The following CFD variants were observed in gnomAD, a reference collection of about 807,000 sequenced individuals.
CFD encodes complement factor D, also known as C3 convertase activator.
In CFD, 24 loss-of-function variants were observed where a neutral mutation model predicts 21.1. That is an observed-to-expected ratio of 1.14 (90% CI 0.82 to 1.60). The LOEUF (loss-of-function observed/expected upper bound fraction) is 1.60, where lower values mean the gene tolerates loss of function less well. Ranked by LOEUF, CFD falls within the 40% of genes most tolerant of loss-of-function variation. The pLI is 0.00. For missense variants in CFD, 535 were observed against 383.3 expected (o/e 1.40, Z -3.31); for synonymous variants, 242 against 175.9 (o/e 1.38, Z -2.97).
chr19:859,992 C>G (rs2035761794), intron 1 of CFD, among the ~76,000 whole-genome samples: 1 of 152,160 alleles, frequency 6.6e-6, no homozygotes, highest in Non-Finnish European at 1.5e-5. Flanking sequence ...GCGTGGCTGA[C>G]TGGGCTGGCC....
rs2145167455 is a variant in CFD at position 863,175 on chromosome 19, G to A, written c.699G>A (p.Lys233=). The A allele has an allele frequency of 2.0e-6, 3 of 1,517,268 alleles. No homozygotes were observed. The highest frequency in any genetic ancestry group is 2.6e-6 in the Non-Finnish European group (3 of 1,138,064). The allele number at this position is 1,517,268 out of a possible 1,614,324, so 94.0% of individuals were successfully genotyped here. A position where few individuals can be genotyped will look rare whatever the true frequency, so the allele number is the denominator to read the frequency against. ...TSGSRVCGNR[K]KPGIYTRVAS... ...GCTCGCGCGTTTGCGGCAACCGCAA[G>A]AAGCCCGGGATCTACACCCGCGTGG... The change falls in exon 5 of 5, where the codon AAG becomes AAA. Residue 233 remains lysine, a synonymous_variant. Transcript: ENST00000327726.
At chr19:862,931 C>T (rs2035826711) in intron 4 of CFD, among the ~76,000 whole-genome samples, 161 bp from the exon 5 acceptor site, 2 of 151,630 alleles carry the variant, frequency 1.3e-5, no homozygotes, top group African/African-American at 2.4e-5. Context: ...GTGGCCTAGG[C>T]GATAGGCGTG....
At chr19:859,821 C>T (rs2035760239) in intron 1 of CFD, 77 bp downstream of exon 1, 1 of 1,118,922 alleles carries the variant, frequency 8.9e-7, no homozygotes, top group Non-Finnish European at 1.3e-6. Flanking sequence ...ACGGACGGTC[C>T]TCCAGCCCCT....
intron 1 of CFD, among the ~76,000 whole-genome samples, chr19:860,365 A>T (rs1464443228): frequency 2.6e-5 from 4 of 151,122 alleles, no homozygotes; most frequent in African/African-American, 7.3e-5. Context: ...ATTTTTTTTT[A>T]AAGTAGAGAC....
intron 1 of CFD, among the ~76,000 whole-genome samples, chr19:860,356 T>C (rs1014033417): frequency 6.6e-6 from 1 of 150,938 alleles, no homozygotes; most frequent in African/African-American, 2.4e-5. Flanking sequence ...AAATTTTGTA[T>C]TTTTTTTTAA....
At chr19:862,228 G>A (rs1391383471) in intron 4 of CFD, among the ~76,000 whole-genome samples, 1 of 136,598 alleles carries the variant, frequency 7.3e-6, no homozygotes, top group Admixed American at 7.2e-5. Context: ...AGAAGGGTCA[G>A]GGCGGGCAGA....
In CFD at chr19:859,723, C is replaced by CAGG. The variant is rs1189158291; in HGVS notation, c.34_35insAGG (p.Leu12delinsGlnVal). The CAGG allele has an allele frequency of 1.9e-6, 3 of 1,574,096 alleles. No homozygotes were observed. Among genetic ancestry groups the CAGG allele is most frequent in the Non-Finnish European group, 2.6e-6 (3 of 1,160,124 alleles). On this transcript the variant is annotated protein_altering_variant, in exon 1 of 5. Coordinates refer to ENST00000327726, the MANE Select transcript of CFD (RefSeq NM_001928.4). ...CTGGGAGCGCCTGGCAGTTCTGGTC[C>CAGG]TCCTAGGAGCGGCCGCCTGCGGTGA...
intron 3 of CFD, 31 bp from the exon 4 acceptor site, chr19:861,668 C>A (rs776100553): frequency 6.3e-7 from 1 of 1,579,974 alleles, no homozygotes; most frequent in South Asian, 1.1e-5. Context: ...CACCCCCGCA[C>A]CCCAACCCTG....
rs2035838472 is a variant in CFD at position 863,315 on chromosome 19, T to C, written c.*77T>C. The stretch of plus-strand genomic sequence containing the variant: ...TGAAGTCATCCACTCCTGCATCTGG[T>C]TGGTCTTTATTGAGCACCTACTATA... On this transcript the variant is annotated 3_prime_UTR_variant, in exon 5 of 5. Transcript: ENST00000327726. 6.7e-7 allele frequency: 1 copy of C among 1,501,518 alleles called. No homozygotes were observed. Among genetic ancestry groups the C allele is most frequent in the Non-Finnish European group, 9.0e-7 (1 of 1,115,576 alleles). The allele number at this position is 1,501,518 out of a possible 1,614,324, so 93.0% of individuals were successfully genotyped here. A position where few individuals can be genotyped will look rare whatever the true frequency, so the allele number is the denominator to read the frequency against.
rs1405437257 is a variant in CFD, at chr19:861,959, G to C, written c.615+3G>C. 1.9e-6 allele frequency: 3 copies of C among 1,542,152 alleles called. No homozygotes were observed. The African/African-American group carries it at 4.1e-5, about 21-fold the overall frequency. ...GCAATCGCCGGGACAGCTGCAAGGT[G>C]AGCCTTCAGGCCTGGGAGGAGACGC... On this transcript the variant is annotated splice_donor_region_variant and intron_variant, in intron 4 of 4. Coordinates refer to ENST00000327726, the MANE Select transcript of CFD (RefSeq NM_001928.4).
rs988200001 is a variant in CFD at position 863,123 on chromosome 19, G to C, written c.647G>C (p.Gly216Ala). The C allele has an allele frequency of 9.8e-6, 15 of 1,531,838 alleles. No individual in the cohort carries two copies. The Admixed American group carries it at 2.8e-4, about 28-fold the overall frequency. 94.9% of individuals were successfully genotyped at this position (1,531,838 alleles called of 1,614,324 possible). Residue 216 changes from glycine (G) to alanine (A), a missense_variant, in exon 5 of 5, where the codon GGC becomes GCC. Transcript: ENST00000327726. ...GDSGGPLVCG[G>A]VLEGVVTSGS... ...TCCGGGGGCCCGCTGGTGTGCGGGG[G>C]CGTGCTCGAGGGCGTGGTCACCTCG... is the stretch of plus-strand genomic sequence containing the variant.
chr19:862,063 G>T (rs2035805643), intron 4 of CFD, 107 bp downstream of exon 4: 4 of 1,448,118 alleles, frequency 2.8e-6, no homozygotes, highest in Non-Finnish European at 2.7e-6. Flanking sequence ...CAGGGAAGGG[G>T]CGGGGCGCGT....
At chr19:861,503 C>T (rs1293794668) in intron 3 of CFD, among the ~76,000 whole-genome samples, 196 bp from the exon 4 acceptor site, 1 of 138,950 alleles carries the variant, frequency 7.2e-6, no homozygotes, top group Non-Finnish European at 1.5e-5. Context: ...TTTGCAGCTG[C>T]ACTGGTGAGC....
Position 863,266 on chromosome 19 carries a change from C to T in CFD, c.*28C>T. On this transcript the variant is annotated 3_prime_UTR_variant, in exon 5 of 5. Transcript: ENST00000327726. ...TGCCGGGGCCTGAAGGTCAGGGTCA[C>T]CCAAGCAACAAAGTCCCGAGCAATG... The T allele has an allele frequency of 2.6e-6, 4 of 1,546,196 alleles. No individual in the cohort carries two copies. The highest frequency in any genetic ancestry group is 3.5e-6 in the Non-Finnish European group (4 of 1,152,364).
At chr19:861,659 A>G (rs746502080) in intron 3 of CFD, 40 bp from the exon 4 acceptor site, 1 of 1,542,922 alleles carries the variant, frequency 6.5e-7, no homozygotes, top group South Asian at 1.2e-5. Context: ...CCAGCCTCGC[A>G]CCCCCGCACC....
chr19:863,019 AGGTGAGGG>A, intron 4 of CFD, 65 bp from the exon 5 acceptor site: 2 of 1,393,436 alleles, frequency 1.4e-6, no homozygotes, highest in Non-Finnish European at 1.9e-6. Flanking sequence ...AGCGGCAGCC[AGGTGAGGG>A]GGTCTAACAC....
rs148038950 is a variant in CFD at position 861,157 on chromosome 19, C to G, written c.357+152C>G. 4.1e-3 allele frequency: 2,622 copies of G among 639,532 alleles called. 71 individuals are homozygous for G. The African/African-American group carries it at 0.045, about 11-fold the overall frequency. 39.6% of individuals were successfully genotyped at this position (639,532 alleles called of 1,614,324 possible). A position where few individuals can be genotyped will look rare whatever the true frequency, so the allele number is the denominator to read the frequency against. On this transcript the variant is annotated intron_variant, in intron 3 of 4. Transcript: ENST00000327726. ...CAACCCCCACACCCTCACCCCGGGT[C>G]TAGCCTCGACCTCTCTTGCTGCGCT...
At chr19:861,048 C>T (rs756054897) in intron 3 of CFD, 43 bp downstream of exon 3, 2 of 1,579,964 alleles carry the variant, frequency 1.3e-6, no homozygotes, top group Non-Finnish European at 1.7e-6. Context: ...CGCTGGGATC[C>T]CCGGCCCACC....
In CFD at chr19:861,851, C is replaced by T; in HGVS notation, c.510C>T (p.Leu170=). ...GRRPDSLQHV[L]LPVLDRATCN... is the part of the protein sequence containing the mutation. ...GCCCGGACAGCCTGCAGCACGTGCT[C>T]TTGCCAGTGCTGGACCGCGCCACCT... The change falls in exon 4 of 5, where the codon CTC becomes CTT. Residue 170 remains leucine, a synonymous_variant. Transcript: ENST00000327726. The T allele has an allele frequency of 3.8e-6, 6 of 1,598,664 alleles. No homozygotes were observed. The highest frequency in any genetic ancestry group is 5.1e-6 in the Non-Finnish European group (6 of 1,178,084).
Sources: gnomAD v4.1 joint callset for allele counts (sites outside exome capture counted in the v4.1 genomes callset) on GRCh38, gnomAD v4.1.1 for gene constraint, MANE v1.5 for transcripts, NCBI Gene and HGNC (gene_info 2026-07-23, HGNC 2026-07-21) for gene names.